The following BSN variants were observed in gnomAD, a reference collection of about 807,000 sequenced individuals.
The protein encoded by BSN is protein bassoon.
In BSN, 57 loss-of-function variants were observed where a neutral mutation model predicts 264.8. The observed-to-expected ratio is 0.22, with a 90% CI of 0.17 to 0.27. The LOEUF is 0.27. BSN is among the 10% of genes least tolerant of loss of function. The pLI, the probability that BSN is intolerant of heterozygous loss-of-function variation, is 1.00. For missense variants in BSN, 4,615 were observed against 5,232.5 expected (o/e 0.88, Z 3.64); for synonymous variants, 2,059 against 2,137.3 (o/e 0.96, Z 1.01).
chr3:49,587,923 TTTTC>T (rs1165920230), intron 1 of BSN, among the ~76,000 whole-genome samples: 43 of 148,830 alleles, frequency 2.9e-4, no homozygotes, highest in African/African-American at 9.5e-4. Context: ...TTTTCTTTTC[TTTTC>T]TTTTTTTTTT....
chr3:49,633,033 A>G (rs756095335), intron 2 of BSN, among the ~76,000 whole-genome samples: 10 of 152,176 alleles, frequency 6.6e-5, no homozygotes, highest in Non-Finnish European at 1.5e-4. Flanking sequence ...TAGGTCGGCT[A>G]TGGTGGCTCA....
intron 2 of BSN, among the ~76,000 whole-genome samples, chr3:49,635,973 A>G (rs1214280415): frequency 6.8e-6 from 1 of 146,506 alleles, no homozygotes; most frequent in African/African-American, 2.5e-5. Flanking sequence ...TCCCCCTCCA[A>G]AAAAAAAAAA....
At chr3:49,567,620 C>T (rs765181049) in intron 1 of BSN, among the ~76,000 whole-genome samples, 2 of 152,324 alleles carry the variant, frequency 1.3e-5, no homozygotes, top group Non-Finnish European at 1.5e-5. Flanking sequence ...AGCCTCTGAC[C>T]TGATGACACA....
At position 49,652,250 on chromosome 3, in the gene BSN, C is replaced by A; in HGVS notation, c.2694C>A (p.Pro898=). 1 of 1,604,538 alleles carries A rather than the reference C, an allele frequency of 6.2e-7. No homozygotes were observed. Among genetic ancestry groups the A allele is most frequent in the East Asian group, 2.2e-5 (1 of 44,730 alleles). ...CAGCACTGCCCAAGAGGCGCCTGCC[C>A]CACAATGCCACCACGGGCTATGAGG... The part of the protein sequence containing the change: ...EPAALPKRRL[P]HNATTGYEEL... The change falls in exon 5 of 12, where the codon CCC becomes CCA. Residue 898 remains proline (P), a synonymous_variant. Transcript: ENST00000296452.
intron 2 of BSN, among the ~76,000 whole-genome samples, chr3:49,635,969 T>G (rs367918038): frequency 7.4e-6 from 1 of 134,368 alleles, no homozygotes; most frequent in African/African-American, 2.8e-5. Context: ...CCTGTCCCCC[T>G]CCAAAAAAAA....
chr3:49,624,230 C>T (rs1290374283), intron 1 of BSN, among the ~76,000 whole-genome samples: 3 of 150,602 alleles, frequency 2.0e-5, no homozygotes, highest in South Asian at 4.2e-4. Context: ...TTCGATCTCC[C>T]GACCTCTTGA....
In BSN at chr3:49,664,792, G is replaced by A; in HGVS notation, c.11741-7G>A. ...CCTGATGGCTCTCTCCTCTTTCTTTGTCACAGCTGTCTCTGCTTTTGGCAA... is the reference window on the plus strand; with the variant it reads ...CCTGATGGCTCTCTCCTCTTTCTTTATCACAGCTGTCTCTGCTTTTGGCAA... On this transcript the variant is annotated splice_region_variant and splice_polypyrimidine_tract_variant and intron_variant, in intron 9 of 11. Transcript: ENST00000296452. The A allele has an allele frequency of 6.2e-7, 1 of 1,613,716 alleles. No individual in the cohort carries two copies. Among genetic ancestry groups the A allele is most frequent in the Non-Finnish European group, 8.5e-7 (1 of 1,179,976 alleles).
chr3:49,600,297 G>A (rs2052063796), intron 1 of BSN, among the ~76,000 whole-genome samples: 1 of 152,160 alleles, frequency 6.6e-6, no homozygotes, highest in Non-Finnish European at 1.5e-5. Flanking sequence ...TGGGGGTCCA[G>A]GTGAGGAAGT....
chr3:49,644,399 G>A (rs553758746), intron 3 of BSN, among the ~76,000 whole-genome samples: 2 of 152,244 alleles, frequency 1.3e-5, no homozygotes, highest in Non-Finnish European at 2.9e-5. Context: ...AGGAGTCCCC[G>A]TGGGACCCCA....
In BSN at chr3:49,657,286, T is replaced by G; in HGVS notation, c.7730T>G (p.Val2577Gly). The change falls in exon 5 of 12, where the codon GTC (valine) becomes GGC (glycine). Residue 2577 changes from valine to glycine, a missense_variant. By Grantham distance (109) the Val-to-Gly change is moderately radical (BLOSUM62 -3). Coordinates refer to ENST00000296452, the MANE Select transcript of BSN (RefSeq NM_003458.4). Reference protein sequence around the residue: ...ELESGTEPCVVRRIADSSVQT... With the variant: ...ELESGTEPCVGRRIADSSVQT... ...GAGTCTGGGACTGAGCCCTGTGTGG[T>G]CAGGAGGATTGCCGACAGCAGCGTG... 6.2e-7 allele frequency: 1 copy of G among 1,613,262 alleles called. No homozygotes were observed. The highest frequency in any genetic ancestry group is 8.5e-7 in the Non-Finnish European group (1 of 1,179,848).
rs772427738 is a variant in BSN at position 49,651,105 on chromosome 3, C to A, written c.1986+26C>A. Reference sequence around the variant, plus strand: ...GTCAGTCCCATTCACTTCCCAGAGACCCTAGCTTTCAGACAGGACAGTCTA... The same window carrying A: ...GTCAGTCCCATTCACTTCCCAGAGAACCTAGCTTTCAGACAGGACAGTCTA... On this transcript the variant is annotated intron_variant, in intron 4 of 11. Transcript: ENST00000296452. The surrounding 1 kb of genome is among the most constrained non-coding windows in gnomAD (Gnocchi z 5.4). 6.3e-7 allele frequency: 1 copy of A among 1,585,518 alleles called. No individual in the cohort carries two copies. Among genetic ancestry groups the A allele is most frequent in the Non-Finnish European group, 8.5e-7 (1 of 1,171,148 alleles).
At chr3:49,602,168 C>A (rs901845937) in intron 1 of BSN, among the ~76,000 whole-genome samples, 1 of 152,218 alleles carries the variant, frequency 6.6e-6, no homozygotes, top group Non-Finnish European at 1.5e-5. Flanking sequence ...TTGAGTTTGC[C>A]CCTTGGATCA....
chr3:49,617,282 A>ATTATATATATATATATATATATAT (rs2052267080), intron 1 of BSN, among the ~76,000 whole-genome samples: 3 of 33,430 alleles, frequency 9.0e-5, no homozygotes, highest in Middle Eastern at 0.014. Flanking sequence ...AATAAAATAC[A>ATTATATATATATATATATATATAT]TTATATATAT....
chr3:49,606,580 A>G (rs556990851), intron 1 of BSN, among the ~76,000 whole-genome samples: 3 of 151,884 alleles, frequency 2.0e-5, no homozygotes, highest in Admixed American at 1.3e-4. Flanking sequence ...AGTGCAGCCC[A>G]GTGCCAGGGA....
Position 49,656,700 on chromosome 3 carries a change from T to C in BSN, c.7144T>C (p.Leu2382=), listed in dbSNP as rs771731586. 20 of 1,583,792 alleles carry C rather than the reference T, an allele frequency of 1.3e-5. No individual in the cohort carries two copies. The African/African-American group carries it at 1.5e-4, about 12-fold the overall frequency. Residue 2382 remains leucine (L), a synonymous_variant, in exon 5 of 12, where the codon TTG becomes CTG. Coordinates refer to ENST00000296452, the MANE Select transcript of BSN (RefSeq NM_003458.4). ...CCAGCTAGAGCGGGAGCGGGTGGAG[T>C]TGGAGAAGCTGCGACAACTTCGGCT... ...LLQLERERVE[L]EKLRQLRLQE... is the part of the protein sequence containing the mutation.
At chr3:49,672,936 T>A (rs1268623491), downstream of BSN, among the ~76,000 whole-genome samples, 3 of 150,764 alleles carry the variant, frequency 2.0e-5, no homozygotes, top group African/African-American at 7.3e-5. Flanking sequence ...CCTGCCACCA[T>A]GCCCAGCTAA....
chr3:49,579,189 A>G (rs944878864), intron 1 of BSN, among the ~76,000 whole-genome samples: 3 of 149,582 alleles, frequency 2.0e-5, no homozygotes, highest in Non-Finnish European at 3.0e-5. Flanking sequence ...GAATCTTCCT[A>G]TGTTGCCCAG....
chr3:49,610,511 G>A (rs779990549), intron 1 of BSN, among the ~76,000 whole-genome samples: 5 of 145,224 alleles, frequency 3.4e-5, no homozygotes, highest in South Asian at 4.4e-4. Context: ...TTGAACCTGG[G>A]AGGTGGAGGT....
chr3:49,592,099 ATTATTTAT>A (rs940216921), intron 1 of BSN, among the ~76,000 whole-genome samples: 1 of 151,664 alleles, frequency 6.6e-6, no homozygotes, highest in Non-Finnish European at 1.5e-5. Context: ...TTATTTCTCA[ATTATTTAT>A]TTATTTATTT....
Sources: allele counts gnomAD v4.1 joint callset (sites outside exome capture counted in the v4.1 genomes callset), GRCh38; gene constraint gnomAD v4.1.1; non-coding constraint Gnocchi (gnomAD v3.1); transcripts MANE v1.5; gene names NCBI Gene and HGNC (gene_info 2026-07-23, HGNC 2026-07-21).